The following AMPD1 variants were observed in gnomAD, a reference collection of about 807,000 sequenced individuals.
AMPD1 encodes adenosine monophosphate deaminase 1.
In AMPD1, 74 loss-of-function variants were observed where a neutral mutation model predicts 82.9. That is an observed-to-expected ratio of 0.89 (90% confidence interval 0.74 to 1.08). AMPD1 has a LOEUF of 1.08. AMPD1 is among the 50% of genes least tolerant of loss of function. The pLI is 0.00. For synonymous variants in AMPD1, 333 were observed against 320.5 expected, an observed-to-expected ratio of 1.04 and a Z score of -0.42; for missense variants, 881 against 924.5, an observed-to-expected ratio of 0.95 and a Z score of 0.61.
chr1:114,682,709 G>C (rs1472877464), intron 5 of AMPD1, among the ~76,000 whole-genome samples: 10 of 152,038 alleles, frequency 6.6e-5, no homozygotes, highest in African/African-American at 1.4e-4. Flanking sequence ...CTCCGGAGTA[G>C]CTGGGACTAC....
chr1:114,675,308 C>CA (rs199829383), intron 12 of AMPD1, among the ~76,000 whole-genome samples: 18 of 148,578 alleles, frequency 1.2e-4, no homozygotes, highest in South Asian at 1.1e-3. Context: ...CTAAACTTCC[C>CA]AAAAAAAAAG....
chr1:114,683,157 A>G (rs1283429049), intron 5 of AMPD1: 1 of 465,818 alleles, frequency 2.1e-6, no homozygotes, highest in South Asian at 1.6e-5. Context: ...GAGATAAGTA[A>G]ATAAAGTGCT....
chr1:114,685,280 A>G (rs1044351975), intron 4 of AMPD1, among the ~76,000 whole-genome samples: 2 of 152,306 alleles, frequency 1.3e-5, no homozygotes, highest in Middle Eastern at 3.4e-3. Flanking sequence ...CCACTAGTCT[A>G]TCAGGTCCTC....
Position 114,674,848 on chromosome 1 carries a change from C to G in AMPD1, c.1704G>C (p.Leu568=), listed in dbSNP as rs1170629305. 6.2e-7 allele frequency: 1 copy of G among 1,614,100 alleles called. No homozygotes were observed. The highest frequency in any genetic ancestry group is 2.2e-5 in the East Asian group (1 of 44,878). The change falls in exon 13 of 16, where the codon CTG becomes CTC. Residue 568 remains leucine (L), a synonymous_variant. Transcript: ENST00000520113. ...LRKERGMNTF[L]FRPHCGEAGA... The stretch of plus-strand genomic sequence containing the variant: ...CAGCTTCTCCACAGTGAGGTCGGAA[C>G]AGAAACGTATTCATGCCTCGTTCCC...
At chr1:114,674,389 C>G (rs1570836385) in intron 13 of AMPD1, among the ~76,000 whole-genome samples, 1 of 152,270 alleles carries the variant, frequency 6.6e-6, no homozygotes, top group Middle Eastern at 3.4e-3. Flanking sequence ...TTTTTTCTCT[C>G]TCTCTCTACA....
Position 114,683,514 on chromosome 1 carries a change from T to C in AMPD1, c.547+685A>G, listed in dbSNP as rs189938923. 2.1e-3 allele frequency among the ~76,000 whole-genome samples: 316 copies of C among 152,194 alleles called. 2 individuals are homozygous for C. The highest frequency in any genetic ancestry group is 7.0e-3 in the African/African-American group (292 of 41,512). The stretch of plus-strand genomic sequence containing the variant: ...ACTTTGGGAAGTTGAGGCAGGCAGA[T>C]CGCTTGAGGCCAGGAGTTCAAGACC... On this transcript the variant is annotated intron_variant, in intron 5 of 15. Coordinates refer to ENST00000520113, the MANE Select transcript of AMPD1 (RefSeq NM_000036.3).
chr1:114,673,983 A>G lies in AMPD1; in HGVS notation c.1900T>C (p.Phe634Leu). ...AGCCCTTTCTGAAGGAAATCCAAAAAAGGATTTTTGGCATACTCTAGAAAT... is the reference window on the plus strand; with the variant it reads ...AGCCCTTTCTGAAGGAAATCCAAAAGAGGATTTTTGGCATACTCTAGAAAT... ...SLFLEYAKNPFLDFLQKGLMI... is the reference protein window; with the variant it reads ...SLFLEYAKNPLLDFLQKGLMI... Residue 634 changes from phenylalanine to leucine, a missense_variant, in exon 14 of 16, where the codon TTT becomes CTT. Phe to Leu is a conservative substitution (Grantham distance 22). This residue lies in a region of AMPD1 where 783 missense variants were observed against 786.4 expected (regional missense o/e 1.00). Coordinates refer to ENST00000520113, the MANE Select transcript of AMPD1 (RefSeq NM_000036.3). 1 of 1,614,084 alleles carries G rather than the reference A, an allele frequency of 6.2e-7. No homozygotes were observed. Among genetic ancestry groups the G allele is most frequent in the Non-Finnish European group, 8.5e-7 (1 of 1,179,938 alleles).
chr1:114,684,480 A>T (rs1160588184), intron 4 of AMPD1, 116 bp from the exon 5 acceptor site: 7 of 1,004,446 alleles, frequency 7.0e-6, no homozygotes, highest in Non-Finnish European at 1.1e-5. Context: ...CCATTCTGAG[A>T]CTCACCACTC....
intron 5 of AMPD1, 139 bp downstream of exon 5, chr1:114,684,060 G>A (rs1346191297): frequency 3.6e-5 from 32 of 898,156 alleles, no homozygotes; most frequent in Middle Eastern, 3.3e-4. Context: ...GATTGGACAC[G>A]TGAGGAAATG....
At chr1:114,690,607 G>GCATCT (rs1658484627) in intron 2 of AMPD1, among the ~76,000 whole-genome samples, 1 of 152,228 alleles carries the variant, frequency 6.6e-6, no homozygotes, top group African/African-American at 2.4e-5. Context: ...AAACCGAAAA[G>GCATCT]CATCTTTGGA....
At chr1:114,694,737 G>A (rs1359844262) in intron 1 of AMPD1, among the ~76,000 whole-genome samples, 2 of 152,054 alleles carry the variant, frequency 1.3e-5, no homozygotes, top group Admixed American at 6.5e-5. Context: ...CCAGCTACTC[G>A]GGAGGCTGAG....
At chr1:114,683,629 C>T (rs997163024) in intron 5 of AMPD1, among the ~76,000 whole-genome samples, 5 of 151,976 alleles carry the variant, frequency 3.3e-5, no homozygotes, top group Admixed American at 2.6e-4. Flanking sequence ...CCCAGCTACC[C>T]GGGAGGCTGA....
intron 5 of AMPD1, among the ~76,000 whole-genome samples, chr1:114,680,917 G>A (rs1380900145): frequency 2.6e-5 from 4 of 152,140 alleles, no homozygotes; most frequent in African/African-American, 9.7e-5. Flanking sequence ...GCAGTGAGCT[G>A]AGATAGCACC....
At chr1:114,692,484 G>A (rs940894578) in intron 2 of AMPD1, among the ~76,000 whole-genome samples, 1 of 152,032 alleles carries the variant, frequency 6.6e-6, no homozygotes, top group Non-Finnish European at 1.5e-5. Context: ...TCAGGAGTTC[G>A]AGACCAACCT....
chr1:114,674,181 A>G lies in AMPD1; in HGVS notation c.1801-99T>C, dbSNP rs193120172. On this transcript the variant is annotated intron_variant, in intron 13 of 15. Coordinates refer to ENST00000520113, the MANE Select transcript of AMPD1 (RefSeq NM_000036.3). The stretch of plus-strand genomic sequence containing the variant: ...GGTCTGCCTTAAGCTTCAGCTTTCA[A>G]CAAAATTATCACTTGTTCTTCAAGT... 2.6e-5 allele frequency: 29 copies of G among 1,121,668 alleles called. No homozygotes were observed. The African/African-American group carries it at 4.1e-4, about 16-fold the overall frequency. The allele number at this position is 1,121,668 out of a possible 1,614,324, so 69.5% of individuals were successfully genotyped here. A position where few individuals can be genotyped will look rare whatever the true frequency, so the allele number is the denominator to read the frequency against.
At chr1:114,684,758 G>C (rs768053134) in intron 4 of AMPD1, among the ~76,000 whole-genome samples, 11 of 152,306 alleles carry the variant, frequency 7.2e-5, no homozygotes, top group South Asian at 6.2e-4. Context: ...TCAACTGAAA[G>C]ACCATGTGAC....
At chr1:114,673,802 C>T in intron 14 of AMPD1, 53 bp from the exon 15 acceptor site, 1 of 1,571,088 alleles carries the variant, frequency 6.4e-7, no homozygotes, top group Non-Finnish European at 8.8e-7. Flanking sequence ...AAATAATATG[C>T]ATCCTGCCTG....
chr1:114,688,392 T>G (rs901459611), intron 3 of AMPD1, among the ~76,000 whole-genome samples, 169 bp downstream of exon 3: 4 of 152,112 alleles, frequency 2.6e-5, no homozygotes, highest in African/African-American at 9.7e-5. Flanking sequence ...CCTCCCAGAG[T>G]GCTGGGATTA....
intron 2 of AMPD1, 91 bp from the exon 3 acceptor site, chr1:114,688,832 G>T: frequency 7.1e-7 from 1 of 1,416,416 alleles, no homozygotes; most frequent in Non-Finnish European, 1.0e-6. Flanking sequence ...GACAAGGACT[G>T]TGCTGCGTGC....
Sources: allele counts gnomAD v4.1 joint callset (sites outside exome capture counted in the v4.1 genomes callset), GRCh38; gene constraint gnomAD v4.1.1; regional missense constraint gnomAD v4.1.1; transcripts MANE v1.5; gene names NCBI Gene and HGNC (gene_info 2026-07-23, HGNC 2026-07-21).